GCC2: variants seen among roughly 807,000 people sequenced by gnomAD.
GCC2 encodes GRIP and coiled-coil domain containing 2.
Under a neutral mutation model 210.6 loss-of-function variants are expected in GCC2, and 120 were observed. The ratio of observed to expected loss-of-function variants is 0.57; its 90% confidence interval spans 0.49 to 0.66. The LOEUF is 0.66. Ranked by LOEUF, GCC2 falls within the 30% of genes least tolerant of loss-of-function variation. The pLI is 0.00. For synonymous variants in GCC2, 703 were observed against 652.7 expected, an observed-to-expected ratio of 1.08 and a Z score of -1.17; for missense variants, 1,868 against 1,871.9, an observed-to-expected ratio of 1.00 and a Z score of 0.04.
Position 108,484,408 on chromosome 2 carries a change from TGTCA to T in GCC2, c.3613+103_3613+106del. On this transcript the variant is annotated intron_variant, in intron 13 of 22. Coordinates refer to ENST00000309863, the MANE Select transcript of GCC2 (RefSeq NM_181453.4). The stretch of plus-strand genomic sequence containing the variant: ...CTTGTTTATTTCACCAGTCTTTCAC[TGTCA>T]GTCAGGTGTTTAACACAGTGATAAA... 5.9e-6 allele frequency: 4 copies of T among 676,700 alleles called. No individual in the cohort carries two copies. The South Asian group carries it at 6.1e-5, about 10-fold the overall frequency. 41.9% of individuals were successfully genotyped at this position (676,700 alleles called of 1,614,324 possible).
rs1044734650 is a variant in GCC2, at chr2:108,489,960, G to T, written c.4175G>T (p.Arg1392Met). The change falls in exon 18 of 23, where the codon AGG becomes ATG. Residue 1392 changes from arginine to methionine, a missense_variant. Physicochemically the swap from Arg to Met is moderately conservative, Grantham distance 91 (BLOSUM62 -1). This residue lies in a region of GCC2 where 1,847 missense variants were observed against 1,765.2 expected (regional missense o/e 1.05). Transcript: ENST00000309863. ...LQSEHDTLLERHNKMLQETVS... is the reference protein window; with the variant it reads ...LQSEHDTLLEMHNKMLQETVS... ...TCTGAACATGATACACTGCTAGAAA[G>T]GCACAACAAGATGCTGCAGGAAACT... The T allele has an allele frequency of 1.2e-6, 2 of 1,611,316 alleles. No individual in the cohort carries two copies. The highest frequency in any genetic ancestry group is 1.7e-6 in the Non-Finnish European group (2 of 1,179,068).
At chr2:108,449,394 C>G in intron 1 of GCC2, 114 bp downstream of exon 1, 3 of 1,464,586 alleles carry the variant, frequency 2.0e-6, no homozygotes, top group Non-Finnish European at 2.7e-6. Flanking sequence ...TCCCGAAGCC[C>G]GCGCTGCTGT....
intron 4 of GCC2, among the ~76,000 whole-genome samples, chr2:108,459,685 G>C (rs1173769440): frequency 1.6e-5 from 2 of 125,586 alleles, no homozygotes; most frequent in Admixed American, 9.0e-5. Flanking sequence ...TATATGTTTA[G>C]AATTGTTACA....
Position 108,507,638 on chromosome 2 carries a change from G to T in GCC2, c.*8G>T. On this transcript the variant is annotated 3_prime_UTR_variant, in exon 23 of 23. Coordinates refer to ENST00000309863, the MANE Select transcript of GCC2 (RefSeq NM_181453.4). ...TGGTCTGGACTTCGATAGGTTGATG[G>T]AAGGAATATTTTTATTAACCAAATA... 1.3e-6 allele frequency: 2 copies of T among 1,536,980 alleles called. No homozygotes were observed. The highest frequency in any genetic ancestry group is 1.8e-6 in the Non-Finnish European group (2 of 1,121,724).
intron 21 of GCC2, among the ~76,000 whole-genome samples, chr2:108,498,265 A>G (rs1197104261): frequency 8.2e-6 from 1 of 121,788 alleles, no homozygotes; most frequent in Non-Finnish European, 1.6e-5. Context: ...GTGCAATCTC[A>G]GCTCACTGCA....
chr2:108,467,439 C>T (rs2104441294), intron 4 of GCC2, among the ~76,000 whole-genome samples: 1 of 152,272 alleles, frequency 6.6e-6, no homozygotes, highest in South Asian at 2.1e-4. Context: ...GTCATACCAT[C>T]TGAAAAACCA....
chr2:108,470,971 C>G lies in GCC2; in HGVS notation c.1642C>G (p.Leu548Val). ...CCTCCAGGGAGAAAATGAAAAGTTA[C>G]TATCTCAACAAGAATTGGTACCAGA... is the stretch of plus-strand genomic sequence containing the variant. ...NRLQGENEKL[L>V]SQQELVPELE... The change falls in exon 6 of 23, where the codon CTA (leucine) becomes GTA (valine). Residue 548 changes from leucine (L) to valine (V), a missense_variant. Leu to Val is a conservative substitution (Grantham distance 32). Transcript: ENST00000309863. 1 of 1,613,146 alleles carries G rather than the reference C, an allele frequency of 6.2e-7. No homozygotes were observed. Among genetic ancestry groups the G allele is most frequent in the South Asian group, 1.1e-5 (1 of 91,030 alleles).
intron 4 of GCC2, among the ~76,000 whole-genome samples, chr2:108,464,190 T>C (rs987145894): frequency 3.3e-5 from 5 of 152,144 alleles, no homozygotes; most frequent in Admixed American, 6.5e-5. Context: ...TTGCTTCCCC[T>C]GGGAGCAGCC....
chr2:108,462,160 C>T (rs9789664), intron 4 of GCC2, among the ~76,000 whole-genome samples: 88,592 of 145,896 alleles, frequency 0.61, 27,481 homozygotes, highest in East Asian at 0.97. Context: ...TCTAATCCTT[C>T]TGTTCTCTCT....
In GCC2 at chr2:108,498,151, A is replaced by AACCTAAAT. The variant is rs560044149; in HGVS notation, c.4782+1043_4782+1050dup. Among the ~76,000 whole-genome samples the AACCTAAAT allele has an allele frequency of 4.2e-3, 643 of 151,350 alleles. 4 individuals carry two copies. The highest frequency in any genetic ancestry group is 0.013 in the South Asian group (62 of 4,790). On this transcript the variant is annotated intron_variant, in intron 21 of 22. Transcript: ENST00000309863. ...TAACAAATCACTAACTAGCCCAGTA[A>AACCTAAAT]ACCTAAATGACTTATTTAAATGTTA...
intron 17 of GCC2, among the ~76,000 whole-genome samples, chr2:108,489,206 TAAC>T (rs779300298): frequency 2.0e-5 from 3 of 152,206 alleles, no homozygotes; most frequent in Non-Finnish European, 2.9e-5. Flanking sequence ...ACCATTCTTA[TAAC>T]AACAATTTAA....
At chr2:108,477,226 A>C (rs1347491845) in intron 9 of GCC2, among the ~76,000 whole-genome samples, 2 of 152,204 alleles carry the variant, frequency 1.3e-5, no homozygotes, top group African/African-American at 4.8e-5. Context: ...GAGTTACAGT[A>C]ATGTGGTAGA....
At chr2:108,461,919 G>A (rs1680608849) in intron 4 of GCC2, among the ~76,000 whole-genome samples, 2 of 129,766 alleles carry the variant, frequency 1.5e-5, no homozygotes, top group Admixed American at 8.3e-5. Flanking sequence ...TGCAAGCTCC[G>A]CCTCCCGGGT....
chr2:108,471,511 GA>G lies in GCC2; in HGVS notation c.2186del (p.Lys729ArgfsTer5). ...VILKEHITQLEKKLQLMVEEQ... is the reference protein window; with the variant it reads ...VILKEHITQLXKKLQLMVEEQ... The stretch of plus-strand genomic sequence containing the variant: ...CCTTAAAGAACATATTACTCAATTA[GA>G]AAAGAAACTTCAGTTAATGGTTGAA... On this transcript the variant is annotated frameshift_variant, in exon 6 of 23. Transcript: ENST00000309863. LOFTEE classifies it high-confidence loss of function. 6.2e-7 allele frequency: 1 copy of G among 1,606,434 alleles called. No individual in the cohort carries two copies. The highest frequency in any genetic ancestry group is 8.5e-7 in the Non-Finnish European group (1 of 1,177,394).
At chr2:108,459,745 C>CTTTTTTTTTTTTTTTT (rs34052393) in intron 4 of GCC2, among the ~76,000 whole-genome samples, 424 of 26,726 alleles carry the variant, frequency 0.016, 38 homozygotes, top group Non-Finnish European at 0.019. Flanking sequence ...CCTTCTTTGT[C>CTTTTTTTTTTTTTTTT]TTTTTTTTTT....
intron 3 of GCC2, among the ~76,000 whole-genome samples, 153 bp from the exon 4 acceptor site, chr2:108,452,246 T>C (rs1679983735): frequency 6.6e-6 from 1 of 152,180 alleles, no homozygotes; most frequent in Non-Finnish European, 1.5e-5. Flanking sequence ...TGCTGAAGTA[T>C]AGTGATGAGT....
intron 9 of GCC2, among the ~76,000 whole-genome samples, chr2:108,480,738 TG>T (rs1317860257): frequency 2.4e-5 from 3 of 126,388 alleles, no homozygotes; most frequent in African/African-American, 8.4e-5. Context: ...CAACAGACAC[TG>T]GGGCCTAACA....
intron 4 of GCC2, among the ~76,000 whole-genome samples, chr2:108,457,470 C>CT (rs927983249): frequency 5.0e-4 from 75 of 150,530 alleles, no homozygotes; most frequent in African/African-American, 1.6e-3. Context: ...GCTTTTCTGG[C>CT]TTTTTTTTTG....
chr2:108,475,583 TA>T lies in GCC2; in HGVS notation c.2913del (p.Lys971AsnfsTer2). On this transcript the variant is annotated frameshift_variant, in exon 8 of 23. Coordinates refer to ENST00000309863, the MANE Select transcript of GCC2 (RefSeq NM_181453.4). LOFTEE classifies it high-confidence loss of function. The part of the protein sequence containing the change: ...CKEKEEKINK[I>X]KLVAVKAKKE... ...GAAAAGGAGGAGAAAATAAATAAGATAAAATTAGTTGCCGTAAAGGCAAAGA... is the reference window on the plus strand; with the variant it reads ...GAAAAGGAGGAGAAAATAAATAAGATAAATTAGTTGCCGTAAAGGCAAAGA... The T allele has an allele frequency of 6.5e-7, 1 of 1,538,028 alleles. No homozygotes were observed. The highest frequency in any genetic ancestry group is 8.7e-7 in the Non-Finnish European group (1 of 1,145,040).
Sources: gnomAD v4.1 joint callset for allele counts (sites outside exome capture counted in the v4.1 genomes callset) on GRCh38, gnomAD v4.1.1 for gene constraint, gnomAD v4.1.1 regional missense constraint, MANE v1.5 for transcripts, NCBI Gene and HGNC (gene_info 2026-07-23, HGNC 2026-07-21) for gene names.